The following ARHGEF9 variants were observed in gnomAD, a reference collection of about 807,000 sequenced individuals.
ARHGEF9 encodes rho guanine nucleotide exchange factor 9.
Under a neutral mutation model 41.3 loss-of-function variants are expected in ARHGEF9, and 2 were observed. The ratio of observed to expected loss-of-function variants is 0.05; its 90% CI spans 0.02 to 0.15. ARHGEF9 has a LOEUF of 0.15. Among genes scored for constraint, ARHGEF9 ranks in the 10% least tolerant of loss-of-function variants. The probability of loss-of-function intolerance (pLI) is 1.00; values close to 1 mark genes in which losing one functional copy is unlikely to be tolerated. For missense variants in ARHGEF9, 225 were observed against 424.7 expected (o/e 0.53, Z 4.13); for synonymous variants, 160 against 154.4 (o/e 1.04, Z -0.27).
intron 2 of ARHGEF9, 29 bp downstream of exon 2, chrX:63,724,503 A>G: frequency 8.3e-7 from 1 of 1,204,064 alleles, no homozygotes; most frequent in Non-Finnish European, 1.1e-6. Flanking sequence ...CCAAGGAAAT[A>G]GGAGAGGAGA....
At chrX:63,699,166 T>G (rs1569477863) in intron 3 of ARHGEF9, among the ~76,000 whole-genome samples, 2 of 111,827 alleles carry the variant, frequency 1.8e-5, no homozygotes, top group Non-Finnish European at 3.8e-5. Context: ...GCATATCATC[T>G]CAACATTAAA....
chrX:63,675,872 T>C (rs1280258965), intron 5 of ARHGEF9, among the ~76,000 whole-genome samples: 3 of 112,134 alleles, frequency 2.7e-5, no homozygotes, highest in Non-Finnish European at 3.8e-5. Flanking sequence ...AAAAATAAAC[T>C]GAGAAGACAA....
In ARHGEF9 at chrX:63,678,460, C is replaced by T. The variant is rs2050409789; in HGVS notation, c.695G>A (p.Arg232His). The T allele has an allele frequency of 8.3e-7, 1 of 1,205,109 alleles. No homozygotes were observed. The part of the protein sequence containing the change: ...SRYQHFFEAC[R>H]LLQQMIDIAI... ...AATGTCAATCATCTGCTGCAAGAGG[C>T]GACAGGCCTCAAAGAAGTGCTGGTA... The change falls in exon 5 of 10, where the codon CGC becomes CAC. Residue 232 changes from arginine (R) to histidine (H), a missense_variant. By Grantham distance (29) the Arg-to-His change is conservative. Transcript: ENST00000671741.
chrX:63,665,841 C>T, intron 7 of ARHGEF9, 45 bp downstream of exon 7: 1 of 1,196,836 alleles, frequency 8.4e-7, no homozygotes, highest in Non-Finnish European at 1.1e-6. Context: ...GTCCGGTACC[C>T]TGTTAGGTAC....
chrX:63,783,957 G>A (rs2056420655), intron 1 of ARHGEF9, among the ~76,000 whole-genome samples: 1 of 111,868 alleles, frequency 8.9e-6, no homozygotes, highest in Non-Finnish European at 1.9e-5. Flanking sequence ...CTGAAACAGA[G>A]ATCTAACAAA....
chrX:63,753,542 G>A (rs1277084267), intron 1 of ARHGEF9, among the ~76,000 whole-genome samples: 1 of 105,125 alleles, frequency 9.5e-6, no homozygotes, highest in Non-Finnish European at 2.0e-5. Flanking sequence ...TTTCTTGTGG[G>A]GTTTTTTTTT....
At chrX:63,761,108 C>T (rs1452622278) in intron 1 of ARHGEF9, among the ~76,000 whole-genome samples, 2 of 111,195 alleles carry the variant, frequency 1.8e-5, no homozygotes, top group Non-Finnish European at 3.8e-5. Context: ...GTCATTTGTG[C>T]AGGTTACCGC....
chrX:63,755,171 G>T, intron 1 of ARHGEF9: 1 of 938,869 alleles, frequency 1.1e-6, no homozygotes, highest in Non-Finnish European at 1.3e-6. Flanking sequence ...GCGACTGCGG[G>T]CGCTTGCGTG....
intron 1 of ARHGEF9, among the ~76,000 whole-genome samples, chrX:63,779,315 G>T (rs1341437437): frequency 1.8e-4 from 20 of 112,407 alleles, no homozygotes; most frequent in Non-Finnish European, 3.6e-4. Context: ...AGAAAAATAG[G>T]TTTAATGGAC....
chrX:63,647,644 T>G (rs1251409782), intron 8 of ARHGEF9, among the ~76,000 whole-genome samples: 14 of 111,774 alleles, frequency 1.3e-4, no homozygotes, highest in African/African-American at 3.9e-4. Context: ...AGTATTTTAT[T>G]GAGGATTTTT....
intron 1 of ARHGEF9, among the ~76,000 whole-genome samples, chrX:63,745,325 G>T (rs1438742742): frequency 9.0e-6 from 1 of 111,186 alleles, no homozygotes; most frequent in African/African-American, 3.3e-5. Context: ...TCTGCCTCAG[G>T]AGAGCTAATG....
At chrX:63,784,802 C>T (rs1445423313) in intron 1 of ARHGEF9, among the ~76,000 whole-genome samples, 1 of 111,478 alleles carries the variant, frequency 9.0e-6, no homozygotes, top group Non-Finnish European at 1.9e-5. Flanking sequence ...CTGCCATCCC[C>T]CTTCCCTCTC....
At chrX:63,701,092 C>T (rs34799842) in intron 3 of ARHGEF9, among the ~76,000 whole-genome samples, 1,160 of 111,824 alleles carry the variant, frequency 0.01, 55 homozygotes, top group Admixed American at 0.09. Context: ...GGCTGATCTA[C>T]GAGTTGAGAC....
chrX:63,666,290 A>G (rs190753457), intron 6 of ARHGEF9, among the ~76,000 whole-genome samples: 93 of 105,924 alleles, frequency 8.8e-4, no homozygotes, highest in Non-Finnish European at 1.6e-3. Flanking sequence ...CTCTGGTCCT[A>G]TAAGTTCTCT....
rs781827721 is a variant in ARHGEF9, at chrX:63,685,724, A to AT, written c.583-7153dup. Among the ~76,000 whole-genome samples, 8 of 112,011 alleles carry AT rather than the reference A, an allele frequency of 7.1e-5. No homozygotes were observed. The East Asian group carries it at 1.4e-3, about 20-fold the overall frequency. ...CAGGCAATTCAATAGGGGAATCAGT[A>AT]TTTTTTAACAAATATCCATACAGAA... On this transcript the variant is annotated intron_variant, in intron 4 of 9. Transcript: ENST00000671741.
chrX:63,739,687 G>A (rs1467155881), intron 1 of ARHGEF9, among the ~76,000 whole-genome samples: 3 of 111,433 alleles, frequency 2.7e-5, no homozygotes, highest in East Asian at 2.8e-4. Flanking sequence ...TTAAAAGAAC[G>A]GTATGGGAAA....
intron 1 of ARHGEF9, among the ~76,000 whole-genome samples, chrX:63,769,179 G>T (rs1373877599): frequency 2.7e-5 from 3 of 111,762 alleles, no homozygotes; most frequent in African/African-American, 9.8e-5. Context: ...GGTGGTCTCA[G>T]ATAAACATAA....
intron 1 of ARHGEF9, among the ~76,000 whole-genome samples, chrX:63,780,464 G>A (rs1196792025): frequency 3.6e-5 from 4 of 111,186 alleles, no homozygotes; most frequent in African/African-American, 1.3e-4. Flanking sequence ...GTGTGGCAAT[G>A]GGAGCAGACA....
At position 63,637,078 on chromosome X, in the gene ARHGEF9, G is replaced by A; in HGVS notation, c.*950C>T. ...GATCTTTTGGGCTAAGGGAGAGACA[G>A]GCCTAGGGGGAGACCTATAACAAAA... is the stretch of plus-strand genomic sequence containing the variant. On this transcript the variant is annotated 3_prime_UTR_variant, in exon 10 of 10. Transcript: ENST00000671741. The A allele has an allele frequency of 6.7e-6, 2 of 297,326 alleles. No individual in the cohort carries two copies. Among genetic ancestry groups the A allele is most frequent in the Non-Finnish European group, 1.2e-5 (2 of 170,283 alleles). The allele number at this position is 297,326 out of a possible 1,213,427, so 24.5% of individuals were successfully genotyped here.
Sources: gnomAD v4.1 joint callset for allele counts (sites outside exome capture counted in the v4.1 genomes callset) on GRCh38, gnomAD v4.1.1 for gene constraint, MANE v1.5 for transcripts, NCBI Gene and HGNC (gene_info 2026-07-23, HGNC 2026-07-21) for gene names.